The following GSTM2 variants were observed in gnomAD, a reference collection of about 807,000 sequenced individuals.
GSTM2 encodes GST class-mu 2.
A neutral mutation model predicts 33.3 loss-of-function variants in GSTM2; 33 were observed. The observed-to-expected ratio is 0.99, with a 90% CI of 0.75 to 1.33. The LOEUF (loss-of-function observed/expected upper bound fraction) is 1.33. GSTM2 is among the 40% of genes most tolerant of loss of function. The pLI, the probability that GSTM2 is intolerant of heterozygous loss-of-function variation, is 0.00. For missense variants in GSTM2, 213 were observed against 265.8 expected, an observed-to-expected ratio of 0.80 and a Z score of 1.38; for synonymous variants, 93 against 95.6, an observed-to-expected ratio of 0.97 and a Z score of 0.16.
rs1647412078 is a variant in GSTM2, at chr1:109,668,414, A to C, written c.37-11A>C. 6.2e-7 allele frequency: 1 copy of C among 1,613,550 alleles called. No individual in the cohort carries two copies. Among genetic ancestry groups the C allele is most frequent in the African/African-American group, 1.3e-5 (1 of 75,020 alleles). Reference sequence around the variant, plus strand: ...CCATCTCTGACCCGAGCTGTGGGCCATCTCTCCCAGCTGGCCCATTCCATC... The same window carrying C: ...CCATCTCTGACCCGAGCTGTGGGCCCTCTCTCCCAGCTGGCCCATTCCATC... On this transcript the variant is annotated splice_polypyrimidine_tract_variant and intron_variant, in intron 1 of 7. Coordinates refer to ENST00000241337, the MANE Select transcript of GSTM2 (RefSeq NM_000848.4).
chr1:109,673,907 C>G (rs1162081017), intron 7 of GSTM2, among the ~76,000 whole-genome samples: 2 of 152,138 alleles, frequency 1.3e-5, no homozygotes, highest in Non-Finnish European at 2.9e-5. Context: ...AATACCTTAT[C>G]TGGGCATTCA....
At chr1:109,673,354 C>A in intron 7 of GSTM2, 6 of 1,413,258 alleles carry the variant, frequency 4.2e-6, no homozygotes, top group Non-Finnish European at 5.8e-6. Context: ...GCAGGCAGAG[C>A]AGCCTGTGAA....
At position 109,671,469 on chromosome 1, in the gene GSTM2, C is replaced by G. The variant is rs755291871; in HGVS notation, c.457-4C>G. 2 of 1,602,284 alleles carry G rather than the reference C, an allele frequency of 1.2e-6. No homozygotes were observed. The highest frequency in any genetic ancestry group is 2.2e-5 in the South Asian group (2 of 90,808). On this transcript the variant is annotated splice_polypyrimidine_tract_variant and splice_region_variant and intron_variant, in intron 6 of 7. Transcript: ENST00000241337. ...TCAGCCCACATATCCTTGGCCTTATCCAGATCACCTTTGTGGATTTCATCG... is the reference window on the plus strand; with the variant it reads ...TCAGCCCACATATCCTTGGCCTTATGCAGATCACCTTTGTGGATTTCATCG...
Position 109,671,991 on chromosome 1 carries a change from A to G in GSTM2, c.567+408A>G, listed in dbSNP as rs549026836. ...ATCTCAAGAAAAAAAAAAAAAAAAA[A>G]AAAAGGAGCCGGGCATGGTGGCTCA... On this transcript the variant is annotated intron_variant, in intron 7 of 7. Transcript: ENST00000241337. Among the ~76,000 whole-genome samples the G allele has an allele frequency of 4.6e-3, 693 of 150,874 alleles. 5 individuals carry two copies. The highest frequency in any genetic ancestry group is 0.013 in the South Asian group (62 of 4,770).
intron 5 of GSTM2, chr1:109,670,619 C>G (rs1043369610): frequency 3.3e-5 from 5 of 152,428 alleles, no homozygotes; most frequent in African/African-American, 1.2e-4. Flanking sequence ...GACCCATGAC[C>G]TGTGCTTTGG....
At chr1:109,670,104 A>AGGGGGGGGGGCCTCCTTTTC (rs1553233965) in intron 5 of GSTM2, 1 of 148,178 alleles carries the variant, frequency 6.7e-6, no homozygotes, top group Non-Finnish European at 1.5e-5. Flanking sequence ...TGGGGGGGGA[A>AGGGGGGGGGGCCTCCTTTTC]ATCCCTTATT....
At chr1:109,671,437 G>A (rs1190832986) in intron 6 of GSTM2, 36 bp from the exon 7 acceptor site, 1 of 1,569,100 alleles carries the variant, frequency 6.4e-7, no homozygotes, top group Admixed American at 1.7e-5. Flanking sequence ...CCTATATTAT[G>A]GAGGTTTCAG....
chr1:109,679,549 T>C (rs1647805473), downstream of GSTM2, among the ~76,000 whole-genome samples: 1 of 152,242 alleles, frequency 6.6e-6, no homozygotes, highest in Non-Finnish European at 1.5e-5. Flanking sequence ...TGCATGTTTC[T>C]GCCAATGAAT....
chr1:109,669,299 T>G lies in GSTM2; in HGVS notation c.187T>G (p.Leu63Val), dbSNP rs1466699643. 27 of 1,614,016 alleles carry G rather than the reference T, an allele frequency of 1.7e-5. No homozygotes were observed. Among genetic ancestry groups the G allele is most frequent in the Non-Finnish European group, 2.0e-5 (24 of 1,180,026 alleles). ...TTTCCCATCTATCCAGCTGCCCTAC[T>G]TGATTGATGGGACTCACAAGATCAC... Reference protein sequence around the residue: ...LGLDFPNLPYLIDGTHKITQS... With the variant: ...LGLDFPNLPYVIDGTHKITQS... The change falls in exon 4 of 8, where the codon TTG (leucine) becomes GTG (valine). Residue 63 changes from leucine to valine, a missense_variant. By Grantham distance (32) the Leu-to-Val change is conservative. Transcript: ENST00000241337.
downstream of GSTM2, among the ~76,000 whole-genome samples, chr1:109,676,944 A>G (rs1283270639): frequency 6.6e-6 from 1 of 152,218 alleles, no homozygotes; most frequent in East Asian, 1.9e-4. Flanking sequence ...CGCAAGGCTC[A>G]GCAGGGAGAT....
chr1:109,668,590 G>T (rs1647417521), intron 2 of GSTM2, 90 bp downstream of exon 2: 1 of 1,409,944 alleles, frequency 7.1e-7, no homozygotes, highest in African/African-American at 1.4e-5. Context: ...GACTCTGCAG[G>T]CCTCCCTTGC....
At chr1:109,678,364 G>A (rs184731104), downstream of GSTM2, among the ~76,000 whole-genome samples, 340 of 152,024 alleles carry the variant, frequency 2.2e-3, 3 homozygotes, top group African/African-American at 7.5e-3. Flanking sequence ...CTCAAACTCC[G>A]GGCCTCAAGT....
intron 5 of GSTM2, chr1:109,670,868 A>C: frequency 6.2e-6 from 1 of 161,098 alleles, no homozygotes; most frequent in Non-Finnish European, 1.4e-5. Flanking sequence ...CTTTCCAGAA[A>C]CCACTCAATG....
intron 2 of GSTM2, 31 bp from the exon 3 acceptor site, chr1:109,668,894 G>T: frequency 6.2e-7 from 1 of 1,612,044 alleles, no homozygotes. Flanking sequence ...CTTTGGGGAG[G>T]TTTGTTTTCA....
chr1:109,671,736 G>T (rs1372315696), intron 7 of GSTM2, among the ~76,000 whole-genome samples, 153 bp downstream of exon 7: 1 of 152,294 alleles, frequency 6.6e-6, no homozygotes, highest in South Asian at 2.1e-4. Flanking sequence ...GGAGGCTGAG[G>T]GAGGCAGATC....
Position 109,671,454 on chromosome 1 carries a change from T to G in GSTM2, c.457-19T>G. ...TATATTATGGAGGTTTCAGCCCACA[T>G]ATCCTTGGCCTTATCCAGATCACCT... On this transcript the variant is annotated intron_variant, in intron 6 of 7. Coordinates refer to ENST00000241337, the MANE Select transcript of GSTM2 (RefSeq NM_000848.4). The G allele has an allele frequency of 6.3e-7, 1 of 1,585,810 alleles. No homozygotes were observed. Among genetic ancestry groups the G allele is most frequent in the Non-Finnish European group, 8.7e-7 (1 of 1,154,064 alleles).
chr1:109,676,316 C>T (rs1647704123), downstream of GSTM2, among the ~76,000 whole-genome samples: 1 of 152,110 alleles, frequency 6.6e-6, no homozygotes, highest in African/African-American at 2.4e-5. Context: ...TAGGTCGATG[C>T]CAGTCTGACT....
intron 4 of GSTM2, 44 bp from the exon 5 acceptor site, chr1:109,669,427 G>C: frequency 6.2e-7 from 1 of 1,613,428 alleles, no homozygotes; most frequent in Non-Finnish European, 8.5e-7. Flanking sequence ...TCCTCGGCTT[G>C]GCTGGGCTGT....
chr1:109,676,959 T>C (rs1647719849), downstream of GSTM2, among the ~76,000 whole-genome samples: 1 of 152,134 alleles, frequency 6.6e-6, no homozygotes, highest in South Asian at 2.1e-4. Flanking sequence ...GGAGATCTTG[T>C]TACAAATCAA....
Sources: allele counts gnomAD v4.1 joint callset (sites outside exome capture counted in the v4.1 genomes callset), GRCh38; gene constraint gnomAD v4.1.1; transcripts MANE v1.5; gene names NCBI Gene and HGNC (gene_info 2026-07-23, HGNC 2026-07-21).